SLC8A1: variants seen among roughly 807,000 people sequenced by gnomAD.
The protein encoded by SLC8A1 is solute carrier family 8 member A1, also known as sodium/calcium exchanger 1.
A neutral mutation model predicts 68.3 loss-of-function variants in SLC8A1; 18 were observed. The observed-to-expected ratio is 0.26, with a 90% CI of 0.18 to 0.39. The LOEUF (loss-of-function observed/expected upper bound fraction) is 0.39, where lower values mean the gene tolerates loss of function less well. Among genes scored for constraint, SLC8A1 ranks in the 10% least tolerant of loss-of-function variants. SLC8A1 has a pLI of 1.00. For synonymous variants in SLC8A1, 475 were observed against 415.5 expected, an observed-to-expected ratio of 1.14 and a Z score of -1.74; for missense variants, 985 against 1,156.7, an observed-to-expected ratio of 0.85 and a Z score of 2.15.
At chr2:40,302,351 T>C (rs893479920) in intron 2 of SLC8A1, among the ~76,000 whole-genome samples, 2 of 151,678 alleles carry the variant, frequency 1.3e-5, no homozygotes, top group African/African-American at 2.4e-5. Context: ...CCTGAGTTAC[T>C]TCCCTTAGAA....
intron 2 of SLC8A1, among the ~76,000 whole-genome samples, chr2:40,231,175 G>T (rs1288833729): frequency 6.6e-6 from 1 of 152,156 alleles, no homozygotes; most frequent in South Asian, 2.1e-4. Flanking sequence ...GAGAGGTGCT[G>T]GTTCTTGGCA....
At chr2:40,379,167 T>C (rs2149540964) in intron 2 of SLC8A1, among the ~76,000 whole-genome samples, 1 of 152,244 alleles carries the variant, frequency 6.6e-6, no homozygotes, top group Admixed American at 6.5e-5. Flanking sequence ...CTTGGAAAGC[T>C]TGTTAAAACA....
At chr2:40,116,671 A>G (rs930676294) in intron 7 of SLC8A1, among the ~76,000 whole-genome samples, 15 of 151,134 alleles carry the variant, frequency 9.9e-5, no homozygotes, top group African/African-American at 3.6e-4. Flanking sequence ...TAGGAAAAAA[A>G]CATGTTAGGG....
chr2:40,274,788 T>C (rs1235557259), intron 2 of SLC8A1, among the ~76,000 whole-genome samples: 1 of 152,248 alleles, frequency 6.6e-6, no homozygotes, highest in Non-Finnish European at 1.5e-5. Flanking sequence ...AATTTCCAAG[T>C]GCTCCTACAT....
At chr2:40,253,831 C>CAAA (rs61434245) in intron 2 of SLC8A1, among the ~76,000 whole-genome samples, 25 of 59,818 alleles carry the variant, frequency 4.2e-4, no homozygotes, top group African/African-American at 8.3e-4. Context: ...TGTCTGTCTC[C>CAAA]AAAAAAAAAA....
At chr2:40,241,244 A>C (rs1432297144) in intron 2 of SLC8A1, among the ~76,000 whole-genome samples, 3 of 152,232 alleles carry the variant, frequency 2.0e-5, no homozygotes, top group Admixed American at 6.5e-5. Flanking sequence ...GAATTAACAC[A>C]GCAACAGAAA....
At chr2:40,318,296 C>T (rs1041463370) in intron 2 of SLC8A1, among the ~76,000 whole-genome samples, 1 of 151,940 alleles carries the variant, frequency 6.6e-6, no homozygotes, top group Non-Finnish European at 1.5e-5. Flanking sequence ...TAGAGCCTCT[C>T]CTGAAAGAGG....
intron 5 of SLC8A1, among the ~76,000 whole-genome samples, chr2:40,162,426 G>C (rs2045846315): frequency 6.6e-6 from 1 of 152,206 alleles, no homozygotes; most frequent in Non-Finnish European, 1.5e-5. Context: ...CCATGACGGA[G>C]TATCCCATCA....
At chr2:40,303,279 G>C (rs560884842) in intron 2 of SLC8A1, among the ~76,000 whole-genome samples, 3 of 152,304 alleles carry the variant, frequency 2.0e-5, no homozygotes, top group South Asian at 4.1e-4. Context: ...AAGAGGAGGA[G>C]ATTTTACTTC....
rs1382761427 is a variant in SLC8A1 at position 40,191,359 on chromosome 2, G to A, written c.1809-13504C>T. Among the ~76,000 whole-genome samples, 4 of 152,162 alleles carry A rather than the reference G, an allele frequency of 2.6e-5. No individual in the cohort carries two copies. In the East Asian group the frequency reaches 5.8e-4, roughly 22 times the overall value. ...AAAAAACATCAGTTATCATTTTGGA[G>A]TTCATATTCTTGATAGAAGGGATCC... On this transcript the variant is annotated intron_variant, in intron 2 of 7. Coordinates refer to ENST00000406785, the Ensembl canonical transcript of SLC8A1.
In SLC8A1 at chr2:40,504,502, A is replaced by C. The variant is rs574771191; in HGVS notation, c.-25+7847T>G. 2.2e-3 allele frequency among the ~76,000 whole-genome samples: 328 copies of C among 152,180 alleles called. 2 individuals are homozygous for C. The highest frequency in any genetic ancestry group is 4.2e-3 in the Admixed American group (64 of 15,256). On this transcript the variant is annotated intron_variant, in intron 1 of 7. Coordinates refer to the SLC8A1 transcript ENST00000402441. The stretch of plus-strand genomic sequence containing the variant: ...AAGCTTCTGTACAGCAAATAATACA[A>C]TCAACAAAGTGAAGAGGCAACACAC...
chr2:40,472,032 T>C (rs984853214), intron 1 of SLC8A1, among the ~76,000 whole-genome samples: 5 of 152,118 alleles, frequency 3.3e-5, no homozygotes, highest in Non-Finnish European at 7.3e-5. Flanking sequence ...TGAACAAACA[T>C]GACCTATGTC....
chr2:40,450,830 T>C (rs755840620), intron 1 of SLC8A1, among the ~76,000 whole-genome samples: 16 of 152,214 alleles, frequency 1.1e-4, no homozygotes, highest in Non-Finnish European at 2.1e-4. Flanking sequence ...GCGTACAACA[T>C]GCACATTGCT....
chr2:40,292,051 G>C (rs192482239), intron 2 of SLC8A1, among the ~76,000 whole-genome samples: 1 of 151,830 alleles, frequency 6.6e-6, no homozygotes. Context: ...TTTATTTCTA[G>C]TCTTTACAAG....
chr2:40,413,108 G>T (rs1692697879), intron 2 of SLC8A1, among the ~76,000 whole-genome samples: 1 of 152,226 alleles, frequency 6.6e-6, no homozygotes, highest in African/African-American at 2.4e-5. Context: ...AACAACAGGT[G>T]CTGGAGAGGA....
chr2:40,428,784 T>C, exon 2 of SLC8A1: 2 of 1,613,860 alleles, frequency 1.2e-6, no homozygotes. Flanking sequence ...CAGAAGATAC[T>C]TTGACATTGC....
intron 2 of SLC8A1, among the ~76,000 whole-genome samples, chr2:40,308,105 C>T (rs1362916081): frequency 6.6e-5 from 10 of 152,056 alleles, no homozygotes; most frequent in African/African-American, 2.4e-4. Context: ...CCATTTTGGC[C>T]CAATATACAG....
chr2:40,221,761 A>C (rs2058359926), intron 2 of SLC8A1, among the ~76,000 whole-genome samples: 1 of 152,194 alleles, frequency 6.6e-6, no homozygotes, highest in Non-Finnish European at 1.5e-5. Context: ...TCATGAGTGA[A>C]CTCCCATTCA....
At chr2:40,444,697 G>A (rs1051110218) in intron 1 of SLC8A1, among the ~76,000 whole-genome samples, 2 of 152,112 alleles carry the variant, frequency 1.3e-5, no homozygotes, top group African/African-American at 4.8e-5. Flanking sequence ...GGAAAAAAAA[G>A]AATATTGCAT....
Sources: gnomAD v4.1 joint callset for allele counts (sites outside exome capture counted in the v4.1 genomes callset) on GRCh38, gnomAD v4.1.1 for gene constraint, MANE v1.5 for transcripts, NCBI Gene and HGNC (gene_info 2026-07-23, HGNC 2026-07-21) for gene names.